Variants in NRXN3 observed in about 807,000 individuals in gnomAD.
NRXN3 encodes neurexin III.
Under a neutral mutation model 137.6 loss-of-function variants are expected in NRXN3, and 32 were observed. The ratio of observed to expected loss-of-function variants is 0.23; its 90% confidence interval spans 0.18 to 0.31. The LOEUF (loss-of-function observed/expected upper bound fraction) is 0.31, where lower values mean the gene tolerates loss of function less well. Among genes scored for constraint, NRXN3 ranks in the 10% least tolerant of loss-of-function variants. NRXN3 has a pLI of 1.00. For synonymous variants in NRXN3, 798 were observed against 784.5 expected (o/e 1.02, Z -0.29); for missense variants, 1,574 against 2,062.5 (o/e 0.76, Z 4.59).
chr14:79,058,052 C>T (rs1472750686), intron 15 of NRXN3, among the ~76,000 whole-genome samples: 4 of 151,734 alleles, frequency 2.6e-5, no homozygotes, highest in Non-Finnish European at 5.9e-5. Flanking sequence ...TGGATGTAAC[C>T]GAGAGGAAAA....
chr14:79,279,577 T>A, intron 15 of NRXN3: 1 of 986,190 alleles, frequency 1.0e-6, no homozygotes, highest in Non-Finnish European at 1.2e-6. Context: ...TTCCCTCCAG[T>A]CCTTCTTATT....
At chr14:78,810,610 A>G (rs1312662895) in intron 10 of NRXN3, among the ~76,000 whole-genome samples, 1 of 152,144 alleles carries the variant, frequency 6.6e-6, no homozygotes, top group Non-Finnish European at 1.5e-5. Flanking sequence ...GCAAGGGCAC[A>G]TGAATAATGA....
intron 15 of NRXN3, among the ~76,000 whole-genome samples, chr14:79,363,197 G>A (rs879910329): frequency 2.0e-5 from 3 of 151,888 alleles, no homozygotes; most frequent in African/African-American, 4.8e-5. Context: ...ACAGGGTTTC[G>A]CCATGTTGGC....
intron 4 of NRXN3, among the ~76,000 whole-genome samples, chr14:78,515,112 A>G (rs1007669317): frequency 5.9e-5 from 9 of 152,086 alleles, no homozygotes; most frequent in African/African-American, 1.4e-4. Flanking sequence ...AAGGTTGAAA[A>G]CCGCTGTATT....
At chr14:78,249,966 G>T (rs1391647595) in intron 2 of NRXN3, 2 of 363,374 alleles carry the variant, frequency 5.5e-6, no homozygotes, top group Admixed American at 7.2e-5. Flanking sequence ...ATCTTCTTTA[G>T]TAACAATGAT....
chr14:78,766,466 C>T (rs767509562), intron 8 of NRXN3, among the ~76,000 whole-genome samples: 7 of 152,186 alleles, frequency 4.6e-5, no homozygotes, highest in Non-Finnish European at 8.8e-5. Flanking sequence ...CTCTCCACTG[C>T]CACCCCCACA....
chr14:78,739,120 T>C (rs181009699), intron 8 of NRXN3, among the ~76,000 whole-genome samples: 10 of 152,348 alleles, frequency 6.6e-5, no homozygotes, highest in Admixed American at 2.0e-4. Context: ...TCCATTTGAG[T>C]CTGGATTAAC....
chr14:79,429,307 G>A lies in NRXN3; in HGVS notation c.3263-37914G>A, dbSNP rs1017768232. Reference sequence around the variant, plus strand: ...TTTTCCTATTCAACCATAGGGCTCCGTTGTCTGGCACACATTATTTAACAA... The same window carrying A: ...TTTTCCTATTCAACCATAGGGCTCCATTGTCTGGCACACATTATTTAACAA... On this transcript the variant is annotated intron_variant, in intron 15 of 20. Transcript: ENST00000335750. 5.3e-5 allele frequency among the ~76,000 whole-genome samples: 8 copies of A among 152,228 alleles called. No homozygotes were observed. The East Asian group carries it at 7.7e-4, about 15-fold the overall frequency.
chr14:79,171,954 C>G (rs577232052), intron 15 of NRXN3, among the ~76,000 whole-genome samples: 18 of 151,814 alleles, frequency 1.2e-4, no homozygotes, highest in Admixed American at 1.2e-3. Context: ...CACCTAAAAC[C>G]AGGATTAATG....
At chr14:79,008,762 G>T (rs1314017116) in intron 15 of NRXN3, among the ~76,000 whole-genome samples, 1 of 149,282 alleles carries the variant, frequency 6.7e-6, no homozygotes, top group East Asian at 2.0e-4. Context: ...GGGTTAAACT[G>T]ATTCTCCTGC....
At chr14:79,801,785 C>A (rs1228121726) in intron 19 of NRXN3, among the ~76,000 whole-genome samples, 1 of 152,038 alleles carries the variant, frequency 6.6e-6, no homozygotes, top group Non-Finnish European at 1.5e-5. Flanking sequence ...GAAAACAAAT[C>A]TTTGGGCAAA....
intron 20 of NRXN3, among the ~76,000 whole-genome samples, chr14:79,859,630 G>C (rs1236721241): frequency 2.0e-5 from 3 of 152,152 alleles, no homozygotes; most frequent in African/African-American, 7.2e-5. Context: ...CTTTGTTACT[G>C]ATGAGGTGGG....
At chr14:78,362,653 TA>T (rs1567366349) in intron 4 of NRXN3, among the ~76,000 whole-genome samples, 2 of 152,312 alleles carry the variant, frequency 1.3e-5, no homozygotes, top group African/African-American at 2.4e-5. Flanking sequence ...GGTGCTCTTA[TA>T]AAAAATTGCA....
At chr14:78,686,258 G>T (rs954354946) in intron 6 of NRXN3, among the ~76,000 whole-genome samples, 1 of 152,168 alleles carries the variant, frequency 6.6e-6, no homozygotes, top group Non-Finnish European at 1.5e-5. Flanking sequence ...TGAGTGGATC[G>T]ATAAATGAAT....
chr14:78,446,287 T>C (rs2094417177), intron 4 of NRXN3, among the ~76,000 whole-genome samples: 1 of 152,120 alleles, frequency 6.6e-6, no homozygotes, highest in Non-Finnish European at 1.5e-5. Context: ...ACCAGGTCAA[T>C]GAGTTGAGTG....
chr14:79,709,665 C>T (rs919254338), intron 19 of NRXN3, among the ~76,000 whole-genome samples: 1 of 152,034 alleles, frequency 6.6e-6, no homozygotes, highest in Non-Finnish European at 1.5e-5. Context: ...CCACTTTCTC[C>T]TCCCGGATAC....
intron 15 of NRXN3, among the ~76,000 whole-genome samples, chr14:79,323,581 C>T (rs535378341): frequency 5.3e-5 from 8 of 152,090 alleles, no homozygotes; most frequent in South Asian, 2.1e-4. Context: ...TATAGTAGGC[C>T]GGGCGTGGTG....
At chr14:79,405,450 A>G (rs1483621048) in intron 15 of NRXN3, among the ~76,000 whole-genome samples, 2 of 152,140 alleles carry the variant, frequency 1.3e-5, no homozygotes, top group African/African-American at 4.8e-5. Flanking sequence ...TCTTGGTGAC[A>G]TAAGGTTTCT....
intron 15 of NRXN3, among the ~76,000 whole-genome samples, chr14:79,409,617 CTATATATA>C (rs796485268): frequency 3.4e-4 from 38 of 112,116 alleles, no homozygotes; most frequent in Admixed American, 1.7e-3. Context: ...GTGTGTGTGT[CTATATATA>C]TATATATATA....
Sources: allele counts gnomAD v4.1 joint callset (sites outside exome capture counted in the v4.1 genomes callset), GRCh38; gene constraint gnomAD v4.1.1; transcripts MANE v1.5; gene names NCBI Gene and HGNC (gene_info 2026-07-23, HGNC 2026-07-21).